The following PAIP1 variants were observed in gnomAD, a reference collection of about 807,000 sequenced individuals.
PAIP1 encodes the protein poly(A) binding protein interacting protein 1.
PAIP1 carries 16 observed loss-of-function variants against 61.3 expected under a neutral mutation model. That is an observed-to-expected ratio of 0.26 (90% CI 0.18 to 0.40). The LOEUF is 0.40. Among genes scored for constraint, PAIP1 ranks in the 10% least tolerant of loss-of-function variants. The pLI, the probability that PAIP1 is intolerant of heterozygous loss-of-function variation, is 1.00. For missense variants in PAIP1, 416 were observed against 600.9 expected, an observed-to-expected ratio of 0.69 and a Z score of 3.22; for synonymous variants, 187 against 226.2, an observed-to-expected ratio of 0.83 and a Z score of 1.56.
At chr5:43,547,298 C>T (rs1315715183) in intron 3 of PAIP1, among the ~76,000 whole-genome samples, 1 of 151,844 alleles carries the variant, frequency 6.6e-6, no homozygotes, top group Non-Finnish European at 1.5e-5. Flanking sequence ...TTTTTCCTCC[C>T]CTACTCTAAT....
intron 2 of PAIP1, among the ~76,000 whole-genome samples, chr5:43,554,739 A>ATG (rs1250286309): frequency 6.6e-6 from 1 of 152,210 alleles, no homozygotes; most frequent in African/African-American, 2.4e-5. Flanking sequence ...ACTACTCAGA[A>ATG]TGTACAGTGG....
intron 2 of PAIP1, among the ~76,000 whole-genome samples, chr5:43,552,726 A>AC (rs1389502706): frequency 6.6e-6 from 1 of 152,202 alleles, no homozygotes; most frequent in African/African-American, 2.4e-5. Flanking sequence ...CAAAACTAGT[A>AC]CCTCAAATAC....
At chr5:43,550,368 AT>A (rs1372465095) in intron 2 of PAIP1, among the ~76,000 whole-genome samples, 1 of 132,832 alleles carries the variant, frequency 7.5e-6, no homozygotes, top group African/African-American at 3.0e-5. Flanking sequence ...AATGAATTAC[AT>A]TTTAAATTTC....
intron 2 of PAIP1, among the ~76,000 whole-genome samples, chr5:43,553,049 T>C (rs1313436128): frequency 7.9e-6 from 1 of 126,412 alleles, no homozygotes; most frequent in African/African-American, 3.5e-5. Context: ...GGGATTCTCT[T>C]AGAAAAAAAG....
At chr5:43,551,513 TCA>T (rs1192064915) in intron 2 of PAIP1, among the ~76,000 whole-genome samples, 2 of 152,230 alleles carry the variant, frequency 1.3e-5, no homozygotes, top group Admixed American at 1.3e-4. Flanking sequence ...TTGTACACAT[TCA>T]TATACTTAAT....
intron 3 of PAIP1, among the ~76,000 whole-genome samples, chr5:43,545,009 T>C (rs1398411516): frequency 1.3e-5 from 2 of 152,224 alleles, no homozygotes; most frequent in Non-Finnish European, 2.9e-5. Context: ...TATCACAGTA[T>C]GGTTATGATT....
intron 2 of PAIP1, among the ~76,000 whole-genome samples, chr5:43,551,854 C>T (rs1421454239): frequency 6.6e-6 from 1 of 151,258 alleles, no homozygotes; most frequent in Non-Finnish European, 1.5e-5. Context: ...AACAGAGGAT[C>T]CAGAGCCTGC....
At chr5:43,527,567 C>T in intron 10 of PAIP1, 98 bp from the exon 11 acceptor site, 1 of 1,064,560 alleles carries the variant, frequency 9.4e-7, no homozygotes. Flanking sequence ...CTTTCCTAGA[C>T]TGACTTATAA....
intron 2 of PAIP1, among the ~76,000 whole-genome samples, chr5:43,552,862 T>A (rs1747916546): frequency 6.6e-6 from 1 of 152,086 alleles, no homozygotes. Flanking sequence ...AGTTTTAAAA[T>A]GAGATTTAGG....
intron 5 of PAIP1, among the ~76,000 whole-genome samples, chr5:43,537,999 A>C (rs1377213418): frequency 8.8e-5 from 3 of 34,026 alleles, no homozygotes; most frequent in African/African-American, 6.7e-4. Context: ...CCCCACCCAA[A>C]AAAAAAAAAA....
intron 3 of PAIP1, among the ~76,000 whole-genome samples, chr5:43,544,711 A>T (rs1388128125): frequency 6.6e-6 from 1 of 152,164 alleles, no homozygotes; most frequent in Non-Finnish European, 1.5e-5. Context: ...TCCACACCTG[A>T]CCTCATGTGA....
chr5:43,556,771 GCCCGCCCCCTCCGCGGC>G lies in PAIP1; in HGVS notation c.59_75del (p.Gly20AlafsTer2). 1 of 1,436,360 alleles carries G rather than the reference GCCCGCCCCCTCCGCGGC, an allele frequency of 7.0e-7. No individual in the cohort carries two copies. The highest frequency in any genetic ancestry group is 9.1e-7 in the Non-Finnish European group (1 of 1,098,678). The allele number at this position is 1,436,360 out of a possible 1,614,324, so 89.0% of individuals were successfully genotyped here. A position where few individuals can be genotyped will look rare whatever the true frequency, so the allele number is the denominator to read the frequency against. On this transcript the variant is annotated frameshift_variant, in exon 1 of 11. Transcript: ENST00000306846. LOFTEE classifies it high-confidence loss of function. ...CCGTTCGGGAAACCGCCGCCCTCAG[GCCCGCCCCCTCCGCGGC>G]CCAGGCCCCGGCTCCGGCCCCGACC...
rs905552801 is a variant in PAIP1 at position 43,556,768 on chromosome 5, C to G, written c.79G>C (p.Glu27Gln). Residue 27 changes from glutamate (E) to glutamine (Q), a missense_variant, in exon 1 of 11, where the codon GAG becomes CAG. Around this residue, in one of 4 missense-constraint regions of PAIP1, gnomAD observed 97 missense variants for 89.5 expected, o/e 1.08. Coordinates refer to ENST00000306846, the MANE Select transcript of PAIP1 (RefSeq NM_006451.5). ...RGLGRGGGGPEGGGFPNGAGP... is the reference protein window; with the variant it reads ...RGLGRGGGGPQGGGFPNGAGP... The stretch of plus-strand genomic sequence containing the variant: ...GCTCCGTTCGGGAAACCGCCGCCCT[C>G]AGGCCCGCCCCCTCCGCGGCCCAGG... 7 of 1,425,408 alleles carry G rather than the reference C, an allele frequency of 4.9e-6. No homozygotes were observed. Among genetic ancestry groups the G allele is most frequent in the Non-Finnish European group, 6.4e-6 (7 of 1,093,364 alleles). 88.3% of individuals were successfully genotyped at this position (1,425,408 alleles called of 1,614,324 possible). A position where few individuals can be genotyped will look rare whatever the true frequency, so the allele number is the denominator to read the frequency against.
rs139588878 is a variant in PAIP1, at chr5:43,555,839, G to A, written c.426C>T (p.Ser142=). 1,459 of 1,610,012 alleles carry A rather than the reference G, an allele frequency of 9.1e-4. 13 individuals carry two copies. The African/African-American group carries it at 0.016, about 18-fold the overall frequency. The change falls in exon 2 of 11, where the codon TCC becomes TCT. Residue 142 remains serine, a synonymous_variant. Coordinates refer to ENST00000306846, the MANE Select transcript of PAIP1 (RefSeq NM_006451.5). ...APEFYPSGYS[S]SYTESYEDGC... The stretch of plus-strand genomic sequence containing the variant: ...AAAAGGGTGTACTTACTGTGTAACT[G>A]GAAGAATAACCTGAAGGGTAAAATT...
intron 4 of PAIP1, among the ~76,000 whole-genome samples, chr5:43,540,272 T>C (rs1393202851): frequency 6.6e-6 from 1 of 152,220 alleles, no homozygotes; most frequent in African/African-American, 2.4e-5. Context: ...TATTTATAGA[T>C]AGTACATTCT....
rs545197416 is a variant in PAIP1 at position 43,549,521 on chromosome 5, C to T, written c.436-1608G>A. On this transcript the variant is annotated intron_variant, in intron 2 of 10. Coordinates refer to ENST00000306846, the MANE Select transcript of PAIP1 (RefSeq NM_006451.5). Reference sequence around the variant, plus strand: ...CCTCATTTTTCTCTTGCTGCGGCCACGTAAGATGTGCCTTTCACCTCCCGC... The same window carrying T: ...CCTCATTTTTCTCTTGCTGCGGCCATGTAAGATGTGCCTTTCACCTCCCGC... 8.5e-5 allele frequency among the ~76,000 whole-genome samples: 13 copies of T among 152,100 alleles called. No individual in the cohort carries two copies. The South Asian group carries it at 1.7e-3, about 19-fold the overall frequency.
chr5:43,539,460 C>G (rs199672517), intron 4 of PAIP1, among the ~76,000 whole-genome samples: 1 of 136,266 alleles, frequency 7.3e-6, no homozygotes, highest in Non-Finnish European at 1.5e-5. Flanking sequence ...AATACACACA[C>G]ACACACACAC....
intron 2 of PAIP1, among the ~76,000 whole-genome samples, chr5:43,554,324 C>A (rs1747981314): frequency 2.0e-5 from 3 of 152,168 alleles, no homozygotes; most frequent in Admixed American, 2.0e-4. Context: ...GTTTATTCAA[C>A]CTCTTACAGT....
intron 5 of PAIP1, among the ~76,000 whole-genome samples, chr5:43,538,353 C>T (rs1414152846): frequency 6.6e-6 from 1 of 151,964 alleles, no homozygotes; most frequent in African/African-American, 2.4e-5. Context: ...GTGTTCTTAA[C>T]ACAAAAAAGT....
Sources: allele counts gnomAD v4.1 joint callset (sites outside exome capture counted in the v4.1 genomes callset), GRCh38; gene constraint gnomAD v4.1.1; regional missense constraint gnomAD v4.1.1; transcripts MANE v1.5; gene names NCBI Gene and HGNC (gene_info 2026-07-23, HGNC 2026-07-21).